CHP1: variants seen among roughly 807,000 people sequenced by gnomAD.
The protein encoded by CHP1 is calcineurin like EF-hand protein 1.
CHP1 carries 11 observed loss-of-function variants against 27.4 expected under a neutral mutation model. That is an observed-to-expected ratio of 0.40 (90% confidence interval 0.25 to 0.67). CHP1 has a LOEUF of 0.67. Ranked by LOEUF, CHP1 falls within the 30% of genes least tolerant of loss-of-function variation. The pLI is 0.38. For missense variants in CHP1, 169 were observed against 251.3 expected, an observed-to-expected ratio of 0.67 and a Z score of 2.22; for synonymous variants, 89 against 87.4, an observed-to-expected ratio of 1.02 and a Z score of -0.10.
At chr15:41,254,533 C>T (rs768398350) in intron 2 of CHP1, among the ~76,000 whole-genome samples, 7 of 152,186 alleles carry the variant, frequency 4.6e-5, no homozygotes, top group Admixed American at 2.6e-4. Flanking sequence ...ATCAGGACCT[C>T]GGTAATTTTC....
chr15:41,231,498 A>C, intron 1 of CHP1, 49 bp downstream of exon 1: 4 of 1,550,162 alleles, frequency 2.6e-6, no homozygotes, highest in Non-Finnish European at 3.5e-6. Flanking sequence ...GGCTGGCCTC[A>C]CAACCAAGGG....
intron 4 of CHP1, 113 bp downstream of exon 4, chr15:41,262,996 C>G (rs2047441161): frequency 8.8e-6 from 12 of 1,362,188 alleles, no homozygotes; most frequent in Non-Finnish European, 1.2e-5. Context: ...TGGTTAAGAC[C>G]TCAGACTCTG....
chr15:41,232,926 C>CT (rs2047259600), intron 1 of CHP1, among the ~76,000 whole-genome samples: 1 of 152,170 alleles, frequency 6.6e-6, no homozygotes, highest in Admixed American at 6.5e-5. Context: ...AGCCCCACCC[C>CT]TTTCTGGACT....
At chr15:41,267,769 CAA>C (rs751601940) in intron 4 of CHP1, among the ~76,000 whole-genome samples, 6 of 116,334 alleles carry the variant, frequency 5.2e-5, no homozygotes, top group Admixed American at 9.1e-5. Flanking sequence ...ACAGTATCTA[CAA>C]AAAAAAAAAA....
intron 1 of CHP1, among the ~76,000 whole-genome samples, chr15:41,235,446 G>T (rs566949350): frequency 3.9e-5 from 6 of 152,290 alleles, no homozygotes; most frequent in African/African-American, 1.4e-4. Flanking sequence ...GGATTGCTTA[G>T]GCGGGAGGTC....
Position 41,278,857 on chromosome 15 carries a change from G to C in CHP1, c.502G>C (p.Asp168His). The C allele has an allele frequency of 6.2e-7, 1 of 1,614,178 alleles. No homozygotes were observed. The change falls in exon 6 of 7, where the codon GAC (aspartate) becomes CAC (histidine). Residue 168 changes from aspartate (D) to histidine (H), a missense_variant. Coordinates refer to ENST00000334660, the MANE Select transcript of CHP1 (RefSeq NM_007236.5). ...RTIQEADQDG[D>H]SAISFTEFVK... ...CATTCAGGAGGCTGATCAGGATGGG[G>C]ACAGTGCCATATCTTTCACAGAATT... is the stretch of plus-strand genomic sequence containing the variant.
In CHP1 at chr15:41,278,850, G is replaced by C; in HGVS notation, c.495G>C (p.Gln165His). The C allele has an allele frequency of 6.2e-7, 1 of 1,614,232 alleles. No homozygotes were observed. The change falls in exon 6 of 7, where the codon CAG (glutamine) becomes CAC (histidine). Residue 165 changes from glutamine (Q) to histidine (H), a missense_variant. Transcript: ENST00000334660. ...IADRTIQEAD[Q>H]DGDSAISFTE... ...ACAGGACCATTCAGGAGGCTGATCA[G>C]GATGGGGACAGTGCCATATCTTTCA...
intron 2 of CHP1, among the ~76,000 whole-genome samples, chr15:41,252,003 A>G (rs972028706): frequency 6.6e-6 from 1 of 151,932 alleles, no homozygotes; most frequent in Admixed American, 6.6e-5. Flanking sequence ...TGGCCTCCCA[A>G]AGTGCTGGGA....
At chr15:41,270,162 T>C (rs2047481311) in intron 4 of CHP1, among the ~76,000 whole-genome samples, 1 of 152,130 alleles carries the variant, frequency 6.6e-6, no homozygotes, top group Non-Finnish European at 1.5e-5. Flanking sequence ...TCAGCTCTCA[T>C]GGTGCCTGTG....
intron 5 of CHP1, among the ~76,000 whole-genome samples, chr15:41,272,019 G>A (rs1267381269): frequency 5.3e-5 from 8 of 152,116 alleles, no homozygotes; most frequent in South Asian, 2.1e-4. Context: ...GAGCCACCAC[G>A]CCCGGCCCAT....
Position 41,281,265 on chromosome 15 carries a change from G to C in CHP1, c.*1876G>C, listed in dbSNP as rs899851601. The C allele has an allele frequency of 2.6e-5, 4 of 152,334 alleles. No homozygotes were observed. The highest frequency in any genetic ancestry group is 9.7e-5 in the African/African-American group (4 of 41,432). 9.4% of individuals were successfully genotyped at this position (152,334 alleles called of 1,614,324 possible). A position where few individuals can be genotyped will look rare whatever the true frequency, so the allele number is the denominator to read the frequency against. On this transcript the variant is annotated 3_prime_UTR_variant, in exon 7 of 7. Coordinates refer to ENST00000334660, the MANE Select transcript of CHP1 (RefSeq NM_007236.5). The stretch of plus-strand genomic sequence containing the variant: ...TGACTGTTGTGTCATTAGCTGCCTG[G>C]TTACATTAGCTCCCTGGCTTCTTGT...
intron 2 of CHP1, among the ~76,000 whole-genome samples, chr15:41,254,182 A>G (rs1405795097): frequency 6.6e-6 from 1 of 152,130 alleles, no homozygotes; most frequent in Admixed American, 6.6e-5. Context: ...AAATTCTAAG[A>G]GTAGAGTTAG....
chr15:41,245,242 C>T (rs1490688394), intron 2 of CHP1, among the ~76,000 whole-genome samples: 2 of 152,262 alleles, frequency 1.3e-5, no homozygotes, highest in East Asian at 3.9e-4. Context: ...GGGCGGATCA[C>T]CTGAGATCAG....
At position 41,279,460 on chromosome 15, in the gene CHP1, C is replaced by A; in HGVS notation, c.*71C>A. 8.1e-7 allele frequency: 1 copy of A among 1,230,996 alleles called. No homozygotes were observed. The highest frequency in any genetic ancestry group is 1.2e-6 in the Non-Finnish European group (1 of 838,638). 76.3% of individuals were successfully genotyped at this position (1,230,996 alleles called of 1,614,324 possible). A position where few individuals can be genotyped will look rare whatever the true frequency, so the allele number is the denominator to read the frequency against. ...CTTGAAAGTCCTCCTTCTACCAACT[C>A]CACCTCCACCCCCTCATTCCCCTTC... is the stretch of plus-strand genomic sequence containing the variant. On this transcript the variant is annotated 3_prime_UTR_variant, in exon 7 of 7. Coordinates refer to ENST00000334660, the MANE Select transcript of CHP1 (RefSeq NM_007236.5).
chr15:41,250,153 G>A (rs2047358247), intron 2 of CHP1, among the ~76,000 whole-genome samples: 1 of 151,346 alleles, frequency 6.6e-6, no homozygotes, highest in Non-Finnish European at 1.5e-5. Context: ...GGTCAACAAG[G>A]TTAAATAGGC....
intron 4 of CHP1, among the ~76,000 whole-genome samples, chr15:41,268,983 T>C (rs2047475597): frequency 6.6e-6 from 1 of 150,674 alleles, no homozygotes; most frequent in Non-Finnish European, 1.5e-5. Context: ...AAAAACAATT[T>C]ATCTAGACAA....
At chr15:41,242,809 G>A (rs778449616) in intron 1 of CHP1, among the ~76,000 whole-genome samples, 1 of 151,696 alleles carries the variant, frequency 6.6e-6, no homozygotes, top group African/African-American at 2.4e-5. Context: ...TGGGCATGGT[G>A]GTGGGCGCCT....
chr15:41,279,318 A>G lies in CHP1; in HGVS notation c.535-18A>G. On this transcript the variant is annotated intron_variant, in intron 6 of 6. Coordinates refer to ENST00000334660, the MANE Select transcript of CHP1 (RefSeq NM_007236.5). ...AATCTTCATAACCTTTGTAACTGTTACTGGTTTTCTCCCCCAGGTTTTGGA... is the reference window on the plus strand; with the variant it reads ...AATCTTCATAACCTTTGTAACTGTTGCTGGTTTTCTCCCCCAGGTTTTGGA... 6.2e-7 allele frequency: 1 copy of G among 1,604,002 alleles called. No homozygotes were observed. The highest frequency in any genetic ancestry group is 2.2e-5 in the East Asian group (1 of 44,842).
chr15:41,234,440 T>C (rs1199782674), intron 1 of CHP1, among the ~76,000 whole-genome samples: 4 of 152,352 alleles, frequency 2.6e-5, no homozygotes, highest in Non-Finnish European at 5.9e-5. Flanking sequence ...ATTTTACTAC[T>C]TCCTTTGCCA....
Sources: allele counts gnomAD v4.1 joint callset (sites outside exome capture counted in the v4.1 genomes callset), GRCh38; gene constraint gnomAD v4.1.1; transcripts MANE v1.5; gene names NCBI Gene and HGNC (gene_info 2026-07-23, HGNC 2026-07-21).